The following PHKB variants were observed in gnomAD, a reference collection of about 807,000 sequenced individuals.
The protein encoded by PHKB is phosphorylase b kinase regulatory subunit beta.
PHKB carries 122 observed loss-of-function variants against 152.1 expected under a neutral mutation model. The ratio of observed to expected loss-of-function variants is 0.80; its 90% CI spans 0.69 to 0.93. The LOEUF is 0.93. Ranked by LOEUF, PHKB falls within the 40% of genes least tolerant of loss-of-function variation. The probability of loss-of-function intolerance (pLI) is 0.00; values close to 1 mark genes in which losing one functional copy is unlikely to be tolerated. For missense variants in PHKB, 1,304 were observed against 1,328.4 expected (o/e 0.98, Z 0.29); for synonymous variants, 436 against 464.9 (o/e 0.94, Z 0.80).
intron 1 of PHKB, among the ~76,000 whole-genome samples, chr16:47,472,258 A>G (rs1407041323): frequency 7.9e-5 from 12 of 152,224 alleles, no homozygotes; most frequent in Non-Finnish European, 1.6e-4. Flanking sequence ...GCATTTAGAC[A>G]TTTAATTTAC....
At chr16:47,546,669 A>G (rs956061658) in intron 6 of PHKB, among the ~76,000 whole-genome samples, 10 of 152,300 alleles carry the variant, frequency 6.6e-5, no homozygotes, top group African/African-American at 2.2e-4. Flanking sequence ...TTAACTCTGC[A>G]GAAGTTTCAG....
chr16:47,533,288 G>A (rs1406412364), intron 6 of PHKB, among the ~76,000 whole-genome samples: 1 of 152,146 alleles, frequency 6.6e-6, no homozygotes, highest in East Asian at 1.9e-4. Flanking sequence ...TTGGTCCATA[G>A]GCAGGCTCAA....
chr16:47,698,677 A>C (rs1597191453), intron 30 of PHKB, 89 bp downstream of exon 30: 5 of 1,102,590 alleles, frequency 4.5e-6, no homozygotes, highest in Non-Finnish European at 6.1e-6. Context: ...CTTTTCATTT[A>C]CTTTATAAAA....
rs144501109 is a variant in PHKB, at chr16:47,605,010, G to A, written c.1364-5816G>A. Among the ~76,000 whole-genome samples, 318 of 152,174 alleles carry A rather than the reference G, an allele frequency of 2.1e-3. 2 individuals carry two copies. The highest frequency in any genetic ancestry group is 7.5e-3 in the African/African-American group (312 of 41,506). ...CCAGAAAATCAGTTTCATTGAATTG[G>A]CACAATAAAGAACTCTATTTTTGCC... On this transcript the variant is annotated intron_variant, in intron 13 of 30. Transcript: ENST00000323584.
intron 13 of PHKB, 121 bp from the exon 14 acceptor site, chr16:47,610,705 T>C: frequency 1.4e-6 from 1 of 709,634 alleles, no homozygotes; most frequent in Non-Finnish European, 2.6e-6. Context: ...TGGAGGATGT[T>C]TCATGTACAC....
At chr16:47,605,141 A>G (rs1167949202) in intron 13 of PHKB, among the ~76,000 whole-genome samples, 1 of 152,222 alleles carries the variant, frequency 6.6e-6, no homozygotes, top group Non-Finnish European at 1.5e-5. Context: ...AGTAATGATT[A>G]TGGCAATTAG....
intron 13 of PHKB, among the ~76,000 whole-genome samples, chr16:47,606,036 A>G (rs1318576626): frequency 6.6e-6 from 1 of 152,196 alleles, no homozygotes; most frequent in Non-Finnish European, 1.5e-5. Flanking sequence ...AATATATGTG[A>G]AATACTTAAA....
At chr16:47,686,227 G>A (rs6598596) in intron 26 of PHKB, among the ~76,000 whole-genome samples, 151,103 of 152,356 alleles carry the variant, frequency 0.99, 74,937 homozygotes, top group East Asian at 1. Flanking sequence ...CGTGATACTA[G>A]GGATTTTAAA....
rs148211725 is a variant in PHKB at position 47,496,297 on chromosome 16, C to G, written c.77-1102C>G. 8.6e-4 allele frequency among the ~76,000 whole-genome samples: 130 copies of G among 150,630 alleles called. 1 individual carries two copies. Among genetic ancestry groups the G allele is most frequent in the African/African-American group, 3.0e-3 (124 of 40,982 alleles). ...GACAGTACTTAGTCTATCTTTTCAACAAAAGATAATGAGACTGTTGCCTGA... is the reference window on the plus strand; with the variant it reads ...GACAGTACTTAGTCTATCTTTTCAAGAAAAGATAATGAGACTGTTGCCTGA... On this transcript the variant is annotated intron_variant, in intron 1 of 30. Transcript: ENST00000323584.
chr16:47,631,335 T>C (rs981838110), intron 14 of PHKB, among the ~76,000 whole-genome samples: 1 of 152,186 alleles, frequency 6.6e-6, no homozygotes, highest in African/African-American at 2.4e-5. Context: ...CTCAGTTTCC[T>C]CATCTTTAAA....
At chr16:47,461,314 C>G, upstream of PHKB, 1 of 1,534,400 alleles carries the variant, frequency 6.5e-7, no homozygotes, top group South Asian at 1.1e-5. Flanking sequence ...TGACAGGCGG[C>G]CCCGGGGGCG....
chr16:47,553,877 C>T lies in PHKB; in HGVS notation c.710+6329C>T, dbSNP rs527514102. Among the ~76,000 whole-genome samples the T allele has an allele frequency of 6.6e-5, 10 of 152,300 alleles. No individual in the cohort carries two copies. In the East Asian group the frequency reaches 1.2e-3, roughly 18 times the overall value. On this transcript the variant is annotated intron_variant, in intron 7 of 30. Transcript: ENST00000323584. The stretch of plus-strand genomic sequence containing the variant: ...GGTATCACCAGCGGAGGCAGCAGAA[C>T]GTCAAAGATTGCCACCTGTTTCTTC...
chr16:47,600,303 A>G, intron 13 of PHKB, among the ~76,000 whole-genome samples: 1 of 152,316 alleles, frequency 6.6e-6, no homozygotes, highest in Middle Eastern at 3.4e-3. Flanking sequence ...TTTCTCTTAT[A>G]AAATTTATAC....
At chr16:47,638,729 T>C (rs1972964407) in intron 14 of PHKB, among the ~76,000 whole-genome samples, 1 of 152,230 alleles carries the variant, frequency 6.6e-6, no homozygotes, top group African/African-American at 2.4e-5. Context: ...TTGTGTCATA[T>C]TCGTATTCTA....
At chr16:47,535,509 T>G (rs1308179360) in intron 6 of PHKB, among the ~76,000 whole-genome samples, 1 of 152,196 alleles carries the variant, frequency 6.6e-6, no homozygotes, top group African/African-American at 2.4e-5. Context: ...ACTATACAGT[T>G]TGGTTATACT....
chr16:47,639,471 C>T (rs753078626), intron 14 of PHKB, among the ~76,000 whole-genome samples: 29 of 152,106 alleles, frequency 1.9e-4, no homozygotes, highest in Non-Finnish European at 3.5e-4. Flanking sequence ...AGTCCAAGCT[C>T]GTTGTGGTAG....
chr16:47,668,913 A>T (rs892754727), intron 25 of PHKB, among the ~76,000 whole-genome samples: 6 of 152,186 alleles, frequency 3.9e-5, no homozygotes, highest in Non-Finnish European at 8.8e-5. Context: ...TACTAAAGTC[A>T]TTCAGAATAA....
chr16:47,591,430 C>G (rs923563993), intron 10 of PHKB, among the ~76,000 whole-genome samples: 1 of 152,176 alleles, frequency 6.6e-6, no homozygotes, highest in Non-Finnish European at 1.5e-5. Flanking sequence ...GGATGCTTTT[C>G]TGATCTCGTT....
chr16:47,509,573 T>C (rs1159489824), intron 4 of PHKB, among the ~76,000 whole-genome samples: 1 of 152,200 alleles, frequency 6.6e-6, no homozygotes, highest in African/African-American at 2.4e-5. Flanking sequence ...CATGTGGCTA[T>C]TGATTTCATG....
Sources: allele counts gnomAD v4.1 joint callset (sites outside exome capture counted in the v4.1 genomes callset), GRCh38; gene constraint gnomAD v4.1.1; transcripts MANE v1.5; gene names NCBI Gene and HGNC (gene_info 2026-07-23, HGNC 2026-07-21).